The following CASC3 variants were observed in gnomAD, a reference collection of about 807,000 sequenced individuals.
CASC3 encodes the protein CASC3 exon junction complex subunit.
CASC3 carries 30 observed loss-of-function variants against 80.5 expected under a neutral mutation model. The ratio of observed to expected loss-of-function variants is 0.37; its 90% CI spans 0.28 to 0.51. CASC3 has a LOEUF of 0.51. CASC3 is among the 20% of genes least tolerant of loss of function. CASC3 has a pLI of 0.94. For synonymous variants in CASC3, 312 were observed against 333.6 expected (o/e 0.94, Z 0.70); for missense variants, 824 against 922.2 (o/e 0.89, Z 1.38).
chr17:40,145,502 G>A (rs1717329500), intron 3 of CASC3, among the ~76,000 whole-genome samples: 1 of 151,992 alleles, frequency 6.6e-6, no homozygotes, highest in South Asian at 2.1e-4. Context: ...AAAAAGCCCA[G>A]ATAGAGAAGA....
At position 40,171,536 on chromosome 17, in the gene CASC3, C is replaced by T. The variant is rs745643482; in HGVS notation, c.*1131C>T. 143 of 989,012 alleles carry T rather than the reference C, an allele frequency of 1.4e-4. No homozygotes were observed. The highest frequency in any genetic ancestry group is 1.7e-4 in the Non-Finnish European group (139 of 831,844). 61.3% of individuals were successfully genotyped at this position (989,012 alleles called of 1,614,324 possible). Reference sequence around the variant, plus strand: ...TTAGATGTTACTACCTTATTTTCCCCGAATTCTATTTTTGTCCTTGCAGAC... The same window carrying T: ...TTAGATGTTACTACCTTATTTTCCCTGAATTCTATTTTTGTCCTTGCAGAC... On this transcript the variant is annotated 3_prime_UTR_variant, in exon 14 of 14. Coordinates refer to ENST00000264645, the MANE Select transcript of CASC3 (RefSeq NM_007359.5).
At chr17:40,154,618 AAT>A (rs1408127256) in intron 3 of CASC3, among the ~76,000 whole-genome samples, 3 of 151,690 alleles carry the variant, frequency 2.0e-5, no homozygotes, top group African/African-American at 4.9e-5. Flanking sequence ...ATGATTTGCA[AAT>A]ATGTGTTCCC....
chr17:40,166,979 G>C lies in CASC3; in HGVS notation c.1536+118G>C, dbSNP rs1989466349. On this transcript the variant is annotated intron_variant, in intron 8 of 13. Coordinates refer to ENST00000264645, the MANE Select transcript of CASC3 (RefSeq NM_007359.5). ...CTTTTCTTTCTTTCTTTTTTTTTGA[G>C]ACAGAGTCTCGCTCTGTTGCCCAGG... The C allele has an allele frequency of 4.0e-6, 3 of 742,012 alleles. No homozygotes were observed. In the South Asian group the frequency reaches 6.3e-5, roughly 15 times the overall value. The allele number at this position is 742,012 out of a possible 1,614,324, so 46.0% of individuals were successfully genotyped here.
chr17:40,145,230 G>C (rs1946704449), intron 3 of CASC3, among the ~76,000 whole-genome samples: 1 of 150,512 alleles, frequency 6.6e-6, no homozygotes, highest in Admixed American at 6.7e-5. Flanking sequence ...GGAGTGCGGT[G>C]GTGCAATCTC....
chr17:40,152,048 C>T (rs566747498), intron 3 of CASC3, among the ~76,000 whole-genome samples: 1 of 152,342 alleles, frequency 6.6e-6, no homozygotes, highest in South Asian at 2.1e-4. Flanking sequence ...GTATCTATCA[C>T]CTCACCTAGT....
chr17:40,167,602 C>T lies in CASC3; in HGVS notation c.1641C>T (p.Tyr547=). The T allele has an allele frequency of 2.5e-6, 4 of 1,611,870 alleles. No homozygotes were observed. The highest frequency in any genetic ancestry group is 3.4e-6 in the Non-Finnish European group (4 of 1,178,004). Residue 547 remains tyrosine, a synonymous_variant, in exon 9 of 14, where the codon TAC becomes TAT. Coordinates refer to ENST00000264645, the MANE Select transcript of CASC3 (RefSeq NM_007359.5). ...ATATCAGTATCATGGAGGGACATTACTATGATCCACGTGAGTTTTTTCTTA... is the reference window on the plus strand; with the variant it reads ...ATATCAGTATCATGGAGGGACATTATTATGATCCACGTGAGTTTTTTCTTA... The part of the protein sequence containing the change: ...PVHISIMEGH[Y]YDPLQFQGPI...
chr17:40,144,943 C>G (rs755470795), intron 3 of CASC3, among the ~76,000 whole-genome samples: 59 of 151,436 alleles, frequency 3.9e-4, no homozygotes, highest in Non-Finnish European at 6.5e-4. Context: ...TCACTGCAAC[C>G]TCTGCCTCCT....
At chr17:40,156,378 C>G (rs187244980) in intron 3 of CASC3, among the ~76,000 whole-genome samples, 69 of 152,278 alleles carry the variant, frequency 4.5e-4, no homozygotes, top group African/African-American at 1.6e-3. Flanking sequence ...CCAAAACACT[C>G]AAGGCCAAAA....
At chr17:40,145,912 T>G (rs1018363355) in intron 3 of CASC3, among the ~76,000 whole-genome samples, 3 of 152,136 alleles carry the variant, frequency 2.0e-5, no homozygotes, top group African/African-American at 7.2e-5. Context: ...ATTACAAGCA[T>G]GAGCCACTAT....
At chr17:40,142,942 C>T (rs1988758999) in intron 3 of CASC3, among the ~76,000 whole-genome samples, 1 of 151,174 alleles carries the variant, frequency 6.6e-6, no homozygotes, top group African/African-American at 2.4e-5. Flanking sequence ...CAAAAATTAG[C>T]TTGGTGTGGT....
intron 3 of CASC3, among the ~76,000 whole-genome samples, chr17:40,149,899 C>T (rs558943284): frequency 3.3e-4 from 49 of 149,542 alleles, no homozygotes; most frequent in East Asian, 3.2e-3. Flanking sequence ...GGCGACAGAG[C>T]GAGACTCCGT....
chr17:40,165,386 T>C (rs1989423057), intron 7 of CASC3, among the ~76,000 whole-genome samples: 1 of 152,152 alleles, frequency 6.6e-6, no homozygotes, highest in Non-Finnish European at 1.5e-5. Context: ...TAAAAAATTT[T>C]TTGTAGTGAT....
At chr17:40,167,789 A>C in intron 9 of CASC3, 61 bp from the exon 10 acceptor site, 1 of 1,473,086 alleles carries the variant, frequency 6.8e-7, no homozygotes, top group Non-Finnish European at 9.5e-7. Context: ...CTTGGGGAAC[A>C]AGGAGACTTG....
chr17:40,155,014 C>T (rs976446536), intron 3 of CASC3, among the ~76,000 whole-genome samples: 20 of 151,822 alleles, frequency 1.3e-4, no homozygotes, highest in Admixed American at 9.9e-4. Flanking sequence ...CTCAGCCTCC[C>T]GAGTAGCTGG....
Position 40,170,732 on chromosome 17 carries a change from G to C in CASC3, c.*327G>C. The C allele has an allele frequency of 2.0e-6, 2 of 985,522 alleles. No homozygotes were observed. Among genetic ancestry groups the C allele is most frequent in the South Asian group, 9.4e-5 (2 of 21,280 alleles). The allele number at this position is 985,522 out of a possible 1,614,324, so 61.0% of individuals were successfully genotyped here. A position where few individuals can be genotyped will look rare whatever the true frequency, so the allele number is the denominator to read the frequency against. ...GTCTTCTGCTGTTCTTCACTTCTGG[G>C]AAATTGAAGTGTCTTCTGTTCCCAA... On this transcript the variant is annotated 3_prime_UTR_variant, in exon 14 of 14. Coordinates refer to ENST00000264645, the MANE Select transcript of CASC3 (RefSeq NM_007359.5).
At position 40,163,496 on chromosome 17, in the gene CASC3, A is replaced by C. The variant is rs1989360015; in HGVS notation, c.801A>C (p.Pro267=). The part of the protein sequence containing the change: ...RIRKPRYGSP[P]QRDPNWNGER... ...TTTTTTGTAGATATGGGAGTCCTCC[A>C]CAAAGAGATCCAAACTGGAACGGTG... is the stretch of plus-strand genomic sequence containing the variant. The change falls in exon 7 of 14, where the codon CCA becomes CCC. Residue 267 remains proline (P), a synonymous_variant. Transcript: ENST00000264645. The C allele has an allele frequency of 6.2e-7, 1 of 1,611,934 alleles. No individual in the cohort carries two copies. Among genetic ancestry groups the C allele is most frequent in the African/African-American group, 1.3e-5 (1 of 74,792 alleles).
rs1359316422 is a variant in CASC3 at position 40,163,603 on chromosome 17, G to C, written c.908G>C (p.Gly303Ala). Residue 303 changes from glycine (G) to alanine (A), a missense_variant, in exon 7 of 14, where the codon GGT becomes GCT. Coordinates refer to ENST00000264645, the MANE Select transcript of CASC3 (RefSeq NM_007359.5). ...ACATTTATTAACAGGAATGCTGCAG[G>C]TACCGGCCGTATGTCTGCACCCAGG... ...PRTFINRNAAGTGRMSAPRNY... is the reference protein window; with the variant it reads ...PRTFINRNAAATGRMSAPRNY... 1.9e-6 allele frequency: 3 copies of C among 1,614,160 alleles called. No individual in the cohort carries two copies.
chr17:40,152,224 A>T (rs1221766866), intron 3 of CASC3, among the ~76,000 whole-genome samples: 1 of 152,216 alleles, frequency 6.6e-6, no homozygotes, highest in Non-Finnish European at 1.5e-5. Flanking sequence ...TGCAACCTCA[A>T]ACTCCTGGGC....
At chr17:40,168,694 G>T in intron 11 of CASC3, 1 of 385,940 alleles carries the variant, frequency 2.6e-6, no homozygotes. Context: ...GGGTTCAAGC[G>T]ATTCTTCTGC....
Sources: allele counts gnomAD v4.1 joint callset (sites outside exome capture counted in the v4.1 genomes callset), GRCh38; gene constraint gnomAD v4.1.1; transcripts MANE v1.5; gene names NCBI Gene and HGNC (gene_info 2026-07-23, HGNC 2026-07-21).